The following KDM4C variants were observed in gnomAD, a reference collection of about 807,000 sequenced individuals.
KDM4C encodes lysine-specific demethylase 4C.
A neutral mutation model predicts 129.3 loss-of-function variants in KDM4C; 81 were observed. The ratio of observed to expected loss-of-function variants is 0.63; its 90% CI spans 0.52 to 0.75. The LOEUF (loss-of-function observed/expected upper bound fraction) is 0.75, where lower values mean the gene tolerates loss of function less well. KDM4C is among the 30% of genes least tolerant of loss of function. The probability of loss-of-function intolerance (pLI) is 0.00; values close to 1 mark genes in which losing one functional copy is unlikely to be tolerated. For missense variants in KDM4C, 1,457 were observed against 1,304.0 expected (o/e 1.12, Z -1.81); for synonymous variants, 573 against 456.1 (o/e 1.26, Z -3.26).
intron 1 of KDM4C, among the ~76,000 whole-genome samples, chr9:6,763,340 G>A (rs1368119219): frequency 6.6e-6 from 1 of 152,084 alleles, no homozygotes; most frequent in Non-Finnish European, 1.5e-5. Context: ...GCACTTCTTT[G>A]ATTGATTCCA....
intron 17 of KDM4C, among the ~76,000 whole-genome samples, chr9:7,096,270 G>T (rs1012206668): frequency 6.6e-6 from 1 of 152,204 alleles, no homozygotes; most frequent in Non-Finnish European, 1.5e-5. Flanking sequence ...CTTTCAACAT[G>T]AGATTGTAAT....
chr9:7,102,872 C>T (rs1837258272), intron 17 of KDM4C, among the ~76,000 whole-genome samples: 1 of 152,150 alleles, frequency 6.6e-6, no homozygotes, highest in South Asian at 2.1e-4. Flanking sequence ...TTTTCCTAAC[C>T]CTCAAGTATT....
chr9:6,942,027 T>G (rs1363205929), intron 8 of KDM4C, among the ~76,000 whole-genome samples: 3 of 152,194 alleles, frequency 2.0e-5, no homozygotes, highest in Non-Finnish European at 4.4e-5. Context: ...TTGAAACTCT[T>G]TTAAAAAGGG....
chr9:6,843,897 C>T (rs752694022), intron 4 of KDM4C, among the ~76,000 whole-genome samples: 3 of 152,176 alleles, frequency 2.0e-5, no homozygotes, highest in African/African-American at 4.8e-5. Flanking sequence ...GTTGCCTAGG[C>T]TGGAGTGCAG....
chr9:7,134,589 C>T (rs1000341559), intron 19 of KDM4C, among the ~76,000 whole-genome samples: 2 of 152,194 alleles, frequency 1.3e-5, no homozygotes, highest in South Asian at 4.1e-4. Flanking sequence ...AGCTTGAATT[C>T]TCCTATTTCA....
chr9:6,899,058 ATT>A (rs574460841), intron 8 of KDM4C, among the ~76,000 whole-genome samples: 6 of 140,562 alleles, frequency 4.3e-5, no homozygotes, highest in Admixed American at 7.1e-5. Context: ...TATGTTCTGC[ATT>A]TTTTTTTTTT....
chr9:6,904,202 G>A (rs1279052278), intron 8 of KDM4C, among the ~76,000 whole-genome samples: 5 of 151,864 alleles, frequency 3.3e-5, no homozygotes, highest in Admixed American at 6.6e-5. Flanking sequence ...TTGTGCCACT[G>A]CACTCCAGCC....
intron 12 of KDM4C, among the ~76,000 whole-genome samples, chr9:6,995,139 G>T (rs1342036821): frequency 7.1e-6 from 1 of 141,688 alleles, no homozygotes; most frequent in East Asian, 2.6e-4. Context: ...TTTTTTCCTA[G>T]GATTTTTTTT....
exon 1 of KDM4C, chr9:6,720,942 A>G: frequency 6.4e-7 from 1 of 1,551,440 alleles, no homozygotes; most frequent in Admixed American, 2.0e-5. Flanking sequence ...AGGCTAAAGG[A>G]TGTTTGATGA....
At chr9:7,027,091 G>A (rs1290660881) in intron 15 of KDM4C, among the ~76,000 whole-genome samples, 1 of 152,060 alleles carries the variant, frequency 6.6e-6, no homozygotes, top group African/African-American at 2.4e-5. Context: ...GGCCCCTGGT[G>A]CCTTATTTAG....
At chr9:6,840,614 C>G (rs1836742778) in intron 4 of KDM4C, among the ~76,000 whole-genome samples, 1 of 152,102 alleles carries the variant, frequency 6.6e-6, no homozygotes, top group South Asian at 2.1e-4. Flanking sequence ...CCAGGCTGGT[C>G]TCAAACTTCT....
At chr9:6,843,558 GTCT>G (rs1244050356) in intron 4 of KDM4C, among the ~76,000 whole-genome samples, 1 of 152,168 alleles carries the variant, frequency 6.6e-6, no homozygotes, top group Non-Finnish European at 1.5e-5. Flanking sequence ...GGTAGCCACA[GTCT>G]TCTTGTGGCC....
intron 17 of KDM4C, among the ~76,000 whole-genome samples, chr9:7,073,917 G>C (rs941397010): frequency 1.3e-5 from 2 of 152,148 alleles, no homozygotes; most frequent in African/African-American, 2.4e-5. Flanking sequence ...AACTCCACTT[G>C]TGGCAGGTGT....
At chr9:6,856,789 C>T (rs1253164246) in intron 5 of KDM4C, among the ~76,000 whole-genome samples, 23 of 132,220 alleles carry the variant, frequency 1.7e-4, no homozygotes, top group Non-Finnish European at 2.6e-4. Context: ...CTCGCTCTGT[C>T]GCCCAGGCCG....
At chr9:6,842,692 TA>T (rs1173612075) in intron 4 of KDM4C, among the ~76,000 whole-genome samples, 5 of 151,930 alleles carry the variant, frequency 3.3e-5, no homozygotes, top group South Asian at 2.1e-4. Context: ...ATTTGTGGCT[TA>T]AAAAAAATCA....
intron 5 of KDM4C, among the ~76,000 whole-genome samples, chr9:6,858,667 A>G (rs1840347984): frequency 1.3e-5 from 2 of 151,988 alleles, no homozygotes; most frequent in Admixed American, 6.5e-5. Context: ...CAGCTACTCA[A>G]GAGGCTGTAG....
intron 19 of KDM4C, among the ~76,000 whole-genome samples, chr9:7,140,604 A>G (rs1841649074): frequency 6.6e-6 from 1 of 152,182 alleles, no homozygotes; most frequent in South Asian, 2.1e-4. Flanking sequence ...GGGTACCTGC[A>G]TATGGTCATA....
rs202158360 is a variant in KDM4C at position 7,046,836 on chromosome 9, C to G, written c.2260-26C>G. On this transcript the variant is annotated intron_variant, in intron 15 of 21. Coordinates refer to ENST00000381309, the MANE Select transcript of KDM4C (RefSeq NM_015061.6). The stretch of plus-strand genomic sequence containing the variant: ...ACTTTTGTTATGTGGGTCTGGTCAT[C>G]ATGTGGTATTTTCTTTTCCCCCCAG... 8.6e-5 allele frequency: 133 copies of G among 1,547,894 alleles called. 1 individual carries two copies. Among genetic ancestry groups the G allele is most frequent in the Admixed American group, 1.2e-4 (7 of 59,780 alleles).
chr9:6,982,229 C>A (rs1358242991), intron 9 of KDM4C: 1 of 149,918 alleles, frequency 6.7e-6, no homozygotes, highest in African/African-American at 2.5e-5. Flanking sequence ...TTTTTTTTCC[C>A]TGATATTTAT....
Sources: gnomAD v4.1 joint callset for allele counts (sites outside exome capture counted in the v4.1 genomes callset) on GRCh38, gnomAD v4.1.1 for gene constraint, MANE v1.5 for transcripts, NCBI Gene and HGNC (gene_info 2026-07-23, HGNC 2026-07-21) for gene names.